ARID5B: variants seen among roughly 807,000 people sequenced by gnomAD.
The protein encoded by ARID5B is AT-rich interactive domain-containing protein 5B.
ARID5B carries 13 observed loss-of-function variants against 97.2 expected under a neutral mutation model. The ratio of observed to expected loss-of-function variants is 0.13; its 90% CI spans 0.09 to 0.21. The LOEUF (loss-of-function observed/expected upper bound fraction) is 0.21. ARID5B is among the 10% of genes least tolerant of loss of function. The pLI, the probability that ARID5B is intolerant of heterozygous loss-of-function variation, is 1.00. For missense variants in ARID5B, 1,210 were observed against 1,465.3 expected, an observed-to-expected ratio of 0.83 and a Z score of 2.84; for synonymous variants, 556 against 570.3, an observed-to-expected ratio of 0.97 and a Z score of 0.36.
At chr10:61,986,351 A>G (rs527954903) in intron 3 of ARID5B, among the ~76,000 whole-genome samples, 18 of 152,348 alleles carry the variant, frequency 1.2e-4, no homozygotes, top group African/African-American at 4.1e-4. Context: ...TGGGAGTGTT[A>G]TACAGATGAG....
At chr10:62,038,911 G>A (rs1405388430) in intron 4 of ARID5B, among the ~76,000 whole-genome samples, 3 of 152,208 alleles carry the variant, frequency 2.0e-5, no homozygotes, top group South Asian at 2.1e-4. Context: ...GTTTGAACTT[G>A]TTAAGGATTT....
At chr10:62,063,513 A>G (rs1001851903) in intron 7 of ARID5B, among the ~76,000 whole-genome samples, 1 of 151,446 alleles carries the variant, frequency 6.6e-6, no homozygotes, top group Non-Finnish European at 1.5e-5. Context: ...ATTGAATTAA[A>G]AAAAAAAAAA....
intron 3 of ARID5B, among the ~76,000 whole-genome samples, chr10:61,980,158 A>G (rs1360404098): frequency 6.6e-6 from 1 of 152,174 alleles, no homozygotes; most frequent in Non-Finnish European, 1.5e-5. Flanking sequence ...GTACCAATGT[A>G]GTCCTAAAAT....
At chr10:62,006,349 G>A (rs192790400) in intron 4 of ARID5B, among the ~76,000 whole-genome samples, 81 of 152,274 alleles carry the variant, frequency 5.3e-4, no homozygotes, top group African/African-American at 1.8e-3. Flanking sequence ...GGCTGAGGCA[G>A]GAGAATCTCT....
intron 4 of ARID5B, among the ~76,000 whole-genome samples, chr10:62,022,962 A>G (rs1839375305): frequency 6.6e-6 from 1 of 152,174 alleles, no homozygotes; most frequent in African/African-American, 2.4e-5. Context: ...TTTTCTTACG[A>G]GTTTTGATAA....
chr10:62,032,440 C>T (rs569181181), intron 4 of ARID5B, among the ~76,000 whole-genome samples: 5 of 152,268 alleles, frequency 3.3e-5, no homozygotes, highest in East Asian at 3.9e-4. Context: ...ATATTTAGGC[C>T]GGGTGTGGTG....
At chr10:61,901,795 A>T in intron 1 of ARID5B, 65 bp downstream of exon 1, 1 of 1,151,084 alleles carries the variant, frequency 8.7e-7, no homozygotes, top group Non-Finnish European at 1.2e-6. Flanking sequence ...CCCCCAGCTC[A>T]CCCACACCTC....
intron 4 of ARID5B, among the ~76,000 whole-genome samples, chr10:62,004,876 T>C (rs534530617): frequency 6.6e-6 from 1 of 152,330 alleles, no homozygotes; most frequent in South Asian, 2.1e-4. Flanking sequence ...GGTACTGGCT[T>C]CCATCAAAGA....
intron 2 of ARID5B, among the ~76,000 whole-genome samples, chr10:61,920,488 A>G (rs1334548650): frequency 6.6e-6 from 1 of 152,000 alleles, no homozygotes; most frequent in Non-Finnish European, 1.5e-5. Flanking sequence ...GTGTGCCACC[A>G]TGCCTGACTA....
chr10:62,013,085 G>A (rs1839237506), intron 4 of ARID5B, among the ~76,000 whole-genome samples: 1 of 152,142 alleles, frequency 6.6e-6, no homozygotes, highest in Non-Finnish European at 1.5e-5. Flanking sequence ...GTAGACCTAG[G>A]TATCTTCTGA....
intron 7 of ARID5B, among the ~76,000 whole-genome samples, chr10:62,065,581 C>T (rs1280235788): frequency 6.6e-6 from 1 of 152,074 alleles, no homozygotes; most frequent in Non-Finnish European, 1.5e-5. Flanking sequence ...CACGGTGGCT[C>T]ACGCCTGTAA....
At chr10:61,936,406 T>A (rs1214470381) in intron 2 of ARID5B, among the ~76,000 whole-genome samples, 1 of 152,142 alleles carries the variant, frequency 6.6e-6, no homozygotes, top group South Asian at 2.1e-4. Flanking sequence ...TCACCAGAGG[T>A]CAGGAGTTCG....
At chr10:62,032,592 G>A (rs1217019515) in intron 4 of ARID5B, among the ~76,000 whole-genome samples, 2 of 152,048 alleles carry the variant, frequency 1.3e-5, no homozygotes, top group African/African-American at 2.4e-5. Context: ...ATGGGCGCCT[G>A]TAATCCCAGC....
chr10:62,055,630 G>C (rs1021245641), intron 5 of ARID5B, among the ~76,000 whole-genome samples: 3 of 152,170 alleles, frequency 2.0e-5, no homozygotes, highest in Non-Finnish European at 4.4e-5. Context: ...TAATGTTAGA[G>C]AGTACAAAAT....
intron 9 of ARID5B, among the ~76,000 whole-genome samples, chr10:62,090,095 C>G (rs1384585340): frequency 2.6e-5 from 4 of 152,198 alleles, no homozygotes; most frequent in Admixed American, 1.3e-4. Context: ...GTCTCATTGA[C>G]TATAATTTAT....
chr10:61,980,823 G>A (rs1258419268), intron 3 of ARID5B, among the ~76,000 whole-genome samples: 1 of 152,170 alleles, frequency 6.6e-6, no homozygotes, highest in Non-Finnish European at 1.5e-5. Flanking sequence ...GAATGGAGAG[G>A]AACATGGCTT....
At chr10:61,960,403 T>A (rs1052373796) in intron 3 of ARID5B, among the ~76,000 whole-genome samples, 11 of 152,120 alleles carry the variant, frequency 7.2e-5, no homozygotes, top group African/African-American at 2.7e-4. Flanking sequence ...ATATATAGGG[T>A]TTTCATAAAA....
intron 4 of ARID5B, among the ~76,000 whole-genome samples, chr10:62,008,073 C>A: frequency 7.1e-6 from 1 of 140,044 alleles, no homozygotes; most frequent in Non-Finnish European, 1.5e-5. Context: ...CACACACACA[C>A]ACACACACAC....
intron 3 of ARID5B, among the ~76,000 whole-genome samples, chr10:61,968,096 A>G (rs1283157085): frequency 1.4e-5 from 2 of 147,702 alleles, no homozygotes; most frequent in African/African-American, 5.0e-5. Context: ...TTACCTAAGT[A>G]AGAATTTATA....
Sources: allele counts gnomAD v4.1 joint callset (sites outside exome capture counted in the v4.1 genomes callset), GRCh38; gene constraint gnomAD v4.1.1; transcripts MANE v1.5; gene names NCBI Gene and HGNC (gene_info 2026-07-23, HGNC 2026-07-21).